Variants in GON4L observed in about 807,000 individuals in gnomAD.
GON4L encodes GON-4-like protein.
A neutral mutation model predicts 211.8 loss-of-function variants in GON4L; 87 were observed. The observed-to-expected ratio is 0.41, with a 90% confidence interval of 0.35 to 0.49. The LOEUF (loss-of-function observed/expected upper bound fraction) is 0.49. GON4L is among the 20% of genes least tolerant of loss of function. The pLI is 0.15. For synonymous variants in GON4L, 875 were observed against 962.6 expected (o/e 0.91, Z 1.68); for missense variants, 2,155 against 2,659.5 (o/e 0.81, Z 4.17).
chr1:155,843,093 A>G (rs1445884474), intron 2 of GON4L, among the ~76,000 whole-genome samples: 1 of 152,146 alleles, frequency 6.6e-6, no homozygotes, highest in East Asian at 1.9e-4. Flanking sequence ...CACAAGACAG[A>G]TAAGTAGCAA....
At chr1:155,842,514 A>G (rs1176913883) in intron 2 of GON4L, among the ~76,000 whole-genome samples, 6 of 116,428 alleles carry the variant, frequency 5.2e-5, no homozygotes, top group African/African-American at 2.1e-4. Flanking sequence ...ACAGAGCGAG[A>G]CTCCATCTCA....
chr1:155,835,155 T>C (rs1670182927), intron 2 of GON4L, among the ~76,000 whole-genome samples: 1 of 152,186 alleles, frequency 6.6e-6, no homozygotes, highest in Non-Finnish European at 1.5e-5. Context: ...ATCCTGTTGA[T>C]CTGTGACCTT....
At chr1:155,817,000 TTTTTG>T (rs1463700742) in intron 6 of GON4L, among the ~76,000 whole-genome samples, 1 of 152,148 alleles carries the variant, frequency 6.6e-6, no homozygotes, top group East Asian at 1.9e-4. Context: ...CTTGTTTTTG[TTTTTG>T]TTTTGAGACA....
intron 12 of GON4L, among the ~76,000 whole-genome samples, chr1:155,786,566 C>T (rs1037698602): frequency 2.0e-5 from 3 of 152,024 alleles, no homozygotes; most frequent in Non-Finnish European, 4.4e-5. Context: ...AAGTTTCCAG[C>T]AGGGTTTCAC....
At chr1:155,833,339 C>T (rs545430475) in intron 2 of GON4L, among the ~76,000 whole-genome samples, 1 of 152,028 alleles carries the variant, frequency 6.6e-6, no homozygotes, top group East Asian at 1.9e-4. Context: ...ATTTCTCACC[C>T]ATTCTCCCAC....
Position 155,754,388 on chromosome 1 carries a change from T to C in GON4L, c.5618A>G (p.His1873Arg), listed in dbSNP as rs1660933138. Reference sequence around the variant, plus strand: ...TACTTTCCTCACCTTGCTGCTACAGTGGCTACAGCTCCGCCTTTTGCTCTT... The same window carrying C: ...TACTTTCCTCACCTTGCTGCTACAGCGGCTACAGCTCCGCCTTTTGCTCTT... ...LKKSKRRSCSHCSSKVCDSKS... is the reference protein window; with the variant it reads ...LKKSKRRSCSRCSSKVCDSKS... The change falls in exon 28 of 32, where the codon CAC becomes CGC. Residue 1873 changes from histidine (H) to arginine (R), a missense_variant. His to Arg is a conservative substitution (Grantham distance 29). Transcript: ENST00000368331. The C allele has an allele frequency of 6.2e-7, 1 of 1,605,078 alleles. No homozygotes were observed. The highest frequency in any genetic ancestry group is 8.5e-7 in the Non-Finnish European group (1 of 1,171,826).
intron 2 of GON4L, among the ~76,000 whole-genome samples, chr1:155,840,926 T>C (rs1310376447): frequency 6.6e-6 from 1 of 152,020 alleles, no homozygotes; most frequent in Non-Finnish European, 1.5e-5. Context: ...TCCCAGCTAC[T>C]CGGGAGGCTG....
intron 8 of GON4L, among the ~76,000 whole-genome samples, 196 bp downstream of exon 8, chr1:155,815,608 GC>G (rs1668168535): frequency 6.6e-6 from 1 of 152,004 alleles, no homozygotes; most frequent in Non-Finnish European, 1.5e-5. Flanking sequence ...TTTATTCTAT[GC>G]ACGTTTCTAT....
chr1:155,832,279 CAAAAAAAAAAAA>C (rs71080731), intron 2 of GON4L, among the ~76,000 whole-genome samples: 6 of 57,374 alleles, frequency 1.0e-4, no homozygotes, highest in African/African-American at 1.4e-4. Context: ...GACTCCGTCT[CAAAAAAAAAAAA>C]AAAAAAAAAA....
At chr1:155,767,255 G>T in intron 20 of GON4L, 170 bp downstream of exon 20, 1 of 1,461,294 alleles carries the variant, frequency 6.8e-7, no homozygotes, top group East Asian at 2.4e-5. Flanking sequence ...AAATGCTGTA[G>T]AATCACCCAG....
chr1:155,794,105 T>C (rs1379842861), intron 12 of GON4L, among the ~76,000 whole-genome samples: 1 of 152,014 alleles, frequency 6.6e-6, no homozygotes, highest in African/African-American at 2.4e-5. Context: ...GGAGCCTTGC[T>C]CTGTCGCCCA....
At chr1:155,813,971 T>C (rs1255383758) in intron 9 of GON4L, among the ~76,000 whole-genome samples, 167 bp from the exon 10 acceptor site, 2 of 152,254 alleles carry the variant, frequency 1.3e-5, no homozygotes, top group Non-Finnish European at 2.9e-5. Flanking sequence ...AGTGTATTGA[T>C]CTAATTAGTT....
At position 155,763,362 on chromosome 1, in the gene GON4L, A is replaced by C; in HGVS notation, c.4676T>G (p.Phe1559Cys). ...TTCTGGAGCAGTCTCAGGTGAAGCA[A>C]AAGTAGGAGGCTTCTCAGCAGAGTC... Reference protein sequence around the residue: ...VGDSAEKPPTFASPETAPEVE... With the variant: ...VGDSAEKPPTCASPETAPEVE... The change falls in exon 22 of 32, where the codon TTT becomes TGT. Residue 1559 changes from phenylalanine (F) to cysteine (C), a missense_variant. Phe to Cys is a radical substitution (Grantham distance 205). This residue lies in a region of GON4L where 455 missense variants were observed against 504.6 expected (regional missense o/e 0.90). Transcript: ENST00000368331. 6 of 1,613,738 alleles carry C rather than the reference A, an allele frequency of 3.7e-6. No individual in the cohort carries two copies. The highest frequency in any genetic ancestry group is 5.1e-6 in the Non-Finnish European group (6 of 1,179,784).
At chr1:155,774,733 G>A (rs913259824) in intron 17 of GON4L, 16 of 547,936 alleles carry the variant, frequency 2.9e-5, no homozygotes, top group Admixed American at 6.2e-5. Context: ...TATTGCTGTA[G>A]TCCAATTCTT....
chr1:155,757,307 C>T lies in GON4L; in HGVS notation c.5270G>A (p.Trp1757Ter). The T allele has an allele frequency of 6.2e-7, 1 of 1,613,716 alleles. No homozygotes were observed. Among genetic ancestry groups the T allele is most frequent in the Non-Finnish European group, 8.5e-7 (1 of 1,179,838 alleles). ...QEITELKTQM[W>*]QLLKGHDHLQ... ...GTGGTCGTGGCCCTTGAGGAGCTGC[C>T]ACATCTGTGTCTTGAGCTGAGGAGA... Residue 1757 changes from tryptophan (W) to a stop codon, truncating the protein, a stop_gained, in exon 26 of 32, where the codon TGG becomes TAG. Transcript: ENST00000368331. LOFTEE classifies it high-confidence loss of function.
In GON4L at chr1:155,765,866, C is replaced by T; in HGVS notation, c.3607G>A (p.Val1203Ile). The change falls in exon 21 of 32, where the codon GTC (valine) becomes ATC (isoleucine). Residue 1203 changes from valine to isoleucine, a missense_variant. Val to Ile is a conservative substitution (Grantham distance 29). This residue lies in a region of GON4L where 615 missense variants were observed against 625.7 expected (regional missense o/e 0.98). Coordinates refer to ENST00000368331, the MANE Select transcript of GON4L (RefSeq NM_001282860.2). Reference sequence around the variant, plus strand: ...TTGCCAGAAACAATTAAGGGTGAGACAGAGGAGGCCACAAGGGACTGGTTC... The same window carrying T: ...TTGCCAGAAACAATTAAGGGTGAGATAGAGGAGGCCACAAGGGACTGGTTC... The part of the protein sequence containing the change: ...PLNQSLVASS[V>I]SPLIVSGNSV... 8 of 1,614,118 alleles carry T rather than the reference C, an allele frequency of 5.0e-6. No individual in the cohort carries two copies. The highest frequency in any genetic ancestry group is 5.9e-6 in the Non-Finnish European group (7 of 1,180,036).
rs533247533 is a variant in GON4L at position 155,782,380 on chromosome 1, G to A, written c.1892+1606C>T. ...ACCTTTTCTATGTTTACATACATAT[G>A]TACTTACCATTGTGTTACAACTGCC... is the stretch of plus-strand genomic sequence containing the variant. On this transcript the variant is annotated intron_variant, in intron 14 of 31. Transcript: ENST00000368331. Among the ~76,000 whole-genome samples, 4 of 152,240 alleles carry A rather than the reference G, an allele frequency of 2.6e-5. No homozygotes were observed. The South Asian group carries it at 8.3e-4, about 32-fold the overall frequency.
At position 155,757,281 on chromosome 1, in the gene GON4L, G is replaced by C; in HGVS notation, c.5296C>G (p.Leu1766Val). Reference protein sequence around the residue: ...MWQLLKGHDHLQDEFSIFFDH... With the variant: ...MWQLLKGHDHVQDEFSIFFDH... ...AAGAAGATAGAAAACTCATCCTGCA[G>C]GTGGTCGTGGCCCTTGAGGAGCTGC... The change falls in exon 26 of 32, where the codon CTG becomes GTG. Residue 1766 changes from leucine to valine, a missense_variant. Physicochemically the swap from Leu to Val is conservative, Grantham distance 32. Coordinates refer to ENST00000368331, the MANE Select transcript of GON4L (RefSeq NM_001282860.2). The C allele has an allele frequency of 6.2e-7, 1 of 1,613,928 alleles. No homozygotes were observed. Among genetic ancestry groups the C allele is most frequent in the Non-Finnish European group, 8.5e-7 (1 of 1,179,840 alleles).
intron 27 of GON4L, among the ~76,000 whole-genome samples, chr1:155,756,004 G>C (rs1010562289): frequency 6.6e-6 from 1 of 150,962 alleles, no homozygotes; most frequent in African/African-American, 2.4e-5. Context: ...AATACTGCTT[G>C]AAGAGCAGTG....
Sources: gnomAD v4.1 joint callset for allele counts (sites outside exome capture counted in the v4.1 genomes callset) on GRCh38, gnomAD v4.1.1 for gene constraint, gnomAD v4.1.1 regional missense constraint, MANE v1.5 for transcripts, NCBI Gene and HGNC (gene_info 2026-07-23, HGNC 2026-07-21) for gene names.